Variants in PACRG observed in about 807,000 individuals in gnomAD.
PACRG encodes parkin coregulated gene protein.
PACRG carries 29 observed loss-of-function variants against 29.7 expected under a neutral mutation model. The observed-to-expected ratio is 0.98, with a 90% CI of 0.73 to 1.33. The LOEUF is 1.33. Ranked by LOEUF, PACRG falls within the 40% of genes most tolerant of loss-of-function variation. PACRG has a pLI of 0.00. For synonymous variants in PACRG, 116 were observed against 118.7 expected, an observed-to-expected ratio of 0.98 and a Z score of 0.15; for missense variants, 279 against 316.2, an observed-to-expected ratio of 0.88 and a Z score of 0.89.
Position 162,938,957 on chromosome 6 carries a change from A to G in PACRG, c.292-123193A>G, listed in dbSNP as rs900555645. 3.9e-5 allele frequency among the ~76,000 whole-genome samples: 6 copies of G among 152,100 alleles called. No individual in the cohort carries two copies. The Middle Eastern group carries it at 0.01, about 259-fold the overall frequency. ...TTTTCTCCCACTCTGTGGGTTGTCTATTTACTCTGCTGACTGTTCCTTTTG... is the reference window on the plus strand; with the variant it reads ...TTTTCTCCCACTCTGTGGGTTGTCTGTTTACTCTGCTGACTGTTCCTTTTG... On this transcript the variant is annotated intron_variant, in intron 2 of 4. Transcript: ENST00000366888.
In PACRG at chr6:162,949,164, A is replaced by T. The variant is rs1202609705; in HGVS notation, c.292-112986A>T. On this transcript the variant is annotated intron_variant, in intron 2 of 4. Transcript: ENST00000366888. The stretch of plus-strand genomic sequence containing the variant: ...TATACATGGAATACAGTGGAATACT[A>T]TTCAGCCTTAAAAAAATTGAAATCA... Among the ~76,000 whole-genome samples the T allele has an allele frequency of 2.0e-5, 3 of 152,200 alleles. No individual in the cohort carries two copies. The East Asian group carries it at 5.8e-4, about 29-fold the overall frequency.
chr6:163,157,878 A>G (rs1778387566), intron 4 of PACRG, among the ~76,000 whole-genome samples: 1 of 152,196 alleles, frequency 6.6e-6, no homozygotes, highest in Non-Finnish European at 1.5e-5. Flanking sequence ...ACCAAGAACA[A>G]ATGAGGTTTA....
rs192545304 is a variant in PACRG at position 163,207,032 on chromosome 6, T to G, written c.614-107795T>G. Reference sequence around the variant, plus strand: ...TCGTGTGGGACATTTCGCTAGGATTTTATTTCTTTTCTTAATAAATAGTCA... The same window carrying G: ...TCGTGTGGGACATTTCGCTAGGATTGTATTTCTTTTCTTAATAAATAGTCA... On this transcript the variant is annotated intron_variant, in intron 4 of 4. Transcript: ENST00000366888. Among the ~76,000 whole-genome samples the G allele has an allele frequency of 2.1e-4, 32 of 152,348 alleles. 1 individual carries two copies. The East Asian group carries it at 6.0e-3, about 28-fold the overall frequency.
chr6:162,796,878 A>G (rs1785426277), intron 1 of PACRG, among the ~76,000 whole-genome samples: 1 of 152,222 alleles, frequency 6.6e-6, no homozygotes, highest in Admixed American at 6.5e-5. Flanking sequence ...AGTCCTTTCA[A>G]AGACATTGCC....
intron 2 of PACRG, among the ~76,000 whole-genome samples, chr6:163,035,829 A>AC (rs1381644010): frequency 2.6e-5 from 4 of 151,290 alleles, no homozygotes; most frequent in Admixed American, 6.6e-5. Context: ...AAAAAAAAAA[A>AC]AAAAACAAAG....
chr6:163,005,213 G>A (rs1041461881), intron 2 of PACRG, among the ~76,000 whole-genome samples: 1 of 151,728 alleles, frequency 6.6e-6, no homozygotes, highest in Non-Finnish European at 1.5e-5. Flanking sequence ...TTTTGCCAGA[G>A]GTTTATTAAT....
chr6:162,941,660 C>G (rs553378776), intron 2 of PACRG, among the ~76,000 whole-genome samples: 1 of 152,080 alleles, frequency 6.6e-6, no homozygotes, highest in African/African-American at 2.4e-5. Flanking sequence ...CATGCACTTT[C>G]TTTTTTTATG....
intron 2 of PACRG, among the ~76,000 whole-genome samples, chr6:162,855,931 C>T (rs747797051): frequency 2.6e-5 from 4 of 152,134 alleles, no homozygotes; most frequent in Non-Finnish European, 5.9e-5. Flanking sequence ...CAGGTTCTGC[C>T]CCTCATTTCT....
At chr6:162,824,814 G>A (rs1788143375) in intron 2 of PACRG, among the ~76,000 whole-genome samples, 1 of 152,166 alleles carries the variant, frequency 6.6e-6, no homozygotes, top group Non-Finnish European at 1.5e-5. Flanking sequence ...ACTATTCAAG[G>A]AAGAAACCGA....
chr6:163,179,219 G>A (rs1585302269), intron 4 of PACRG: 1 of 455,872 alleles, frequency 2.2e-6, no homozygotes, highest in East Asian at 7.0e-5. Context: ...CTTGGAGGCT[G>A]GGCTCCTCCG....
chr6:162,899,944 C>T (rs994317364), intron 2 of PACRG, among the ~76,000 whole-genome samples: 11 of 152,142 alleles, frequency 7.2e-5, no homozygotes, highest in African/African-American at 2.2e-4. Context: ...TTTGGGTCTG[C>T]ACCCGTCACC....
intron 2 of PACRG, among the ~76,000 whole-genome samples, chr6:162,999,902 A>G (rs1053472774): frequency 2.6e-5 from 4 of 152,206 alleles, no homozygotes; most frequent in Non-Finnish European, 5.9e-5. Context: ...CTAACATATT[A>G]CTTTGGAACA....
At chr6:163,129,021 T>C (rs530849036) in intron 4 of PACRG, among the ~76,000 whole-genome samples, 1 of 152,128 alleles carries the variant, frequency 6.6e-6, no homozygotes, top group Non-Finnish European at 1.5e-5. Context: ...CTCAAAATAT[T>C]GAGGAAAACA....
At chr6:162,796,707 C>CAAA (rs35582026) in intron 1 of PACRG, among the ~76,000 whole-genome samples, 1 of 141,772 alleles carries the variant, frequency 7.1e-6, no homozygotes, top group African/African-American at 2.6e-5. Flanking sequence ...ATAGATGAAG[C>CAAA]AAAAAAAAAA....
intron 1 of PACRG, among the ~76,000 whole-genome samples, chr6:162,807,599 C>T (rs544187326): frequency 6.6e-6 from 1 of 152,116 alleles, no homozygotes; most frequent in South Asian, 2.1e-4. Context: ...AATTTGTTGC[C>T]TTATATGAGA....
chr6:162,982,095 T>C (rs760702696), intron 2 of PACRG, among the ~76,000 whole-genome samples: 1 of 151,966 alleles, frequency 6.6e-6, no homozygotes, highest in Non-Finnish European at 1.5e-5. Flanking sequence ...GTGTCTACAG[T>C]AGCTTTAAAC....
chr6:162,883,684 CTGTG>C (rs144543802), intron 2 of PACRG, among the ~76,000 whole-genome samples: 22 of 145,738 alleles, frequency 1.5e-4, no homozygotes, highest in Admixed American at 3.4e-4. Flanking sequence ...TTTTCAAAAA[CTGTG>C]TGTGTGTGTG....
intron 4 of PACRG, among the ~76,000 whole-genome samples, chr6:163,261,319 T>C (rs1409550225): frequency 6.6e-6 from 1 of 152,174 alleles, no homozygotes; most frequent in Non-Finnish European, 1.5e-5. Context: ...TAGGTAGACA[T>C]GTGCCATGGT....
chr6:162,940,384 C>G (rs778979190), intron 2 of PACRG, among the ~76,000 whole-genome samples: 9 of 151,882 alleles, frequency 5.9e-5, no homozygotes, highest in Non-Finnish European at 1.0e-4. Flanking sequence ...TCTATGTTCT[C>G]TCTCTCCCTC....
Sources: gnomAD v4.1 joint callset for allele counts (sites outside exome capture counted in the v4.1 genomes callset) on GRCh38, gnomAD v4.1.1 for gene constraint, MANE v1.5 for transcripts, NCBI Gene and HGNC (gene_info 2026-07-23, HGNC 2026-07-21) for gene names.